The following FMN2 variants were observed in gnomAD, a reference collection of about 807,000 sequenced individuals.
FMN2 encodes formin-2.
A neutral mutation model predicts 142.3 loss-of-function variants in FMN2; 51 were observed. The observed-to-expected ratio is 0.36, with a 90% CI of 0.29 to 0.45. The LOEUF (loss-of-function observed/expected upper bound fraction) is 0.45, where lower values mean the gene tolerates loss of function less well. Among genes scored for constraint, FMN2 ranks in the 20% least tolerant of loss-of-function variants. The probability of loss-of-function intolerance (pLI) is 1.00; values close to 1 mark genes in which losing one functional copy is unlikely to be tolerated. For synonymous variants in FMN2, 882 were observed against 869.8 expected (o/e 1.01, Z -0.25); for missense variants, 1,936 against 2,122.8 (o/e 0.91, Z 1.73).
intron 6 of FMN2, among the ~76,000 whole-genome samples, chr1:240,215,570 T>C (rs1666864023): frequency 6.6e-6 from 1 of 152,244 alleles, no homozygotes; most frequent in Non-Finnish European, 1.5e-5. Flanking sequence ...TATATACTTT[T>C]AAAAATGAAT....
chr1:240,468,740 G>A (rs762012643), intron 16 of FMN2, among the ~76,000 whole-genome samples: 1 of 152,176 alleles, frequency 6.6e-6, no homozygotes, highest in Non-Finnish European at 1.5e-5. Flanking sequence ...GAAAGTGGAT[G>A]GAACACGTAC....
At chr1:240,197,223 A>G (rs1665948746) in intron 4 of FMN2, among the ~76,000 whole-genome samples, 1 of 152,110 alleles carries the variant, frequency 6.6e-6, no homozygotes, top group Non-Finnish European at 1.5e-5. Flanking sequence ...CCCAAAATTG[A>G]TGGGATTTGG....
chr1:240,429,910 G>T (rs946662418), intron 15 of FMN2, among the ~76,000 whole-genome samples: 5 of 147,138 alleles, frequency 3.4e-5, no homozygotes, highest in African/African-American at 1.3e-4. Flanking sequence ...TTTTGAGGCA[G>T]AGTCTCGCTC....
At position 240,281,719 on chromosome 1, in the gene FMN2, G is replaced by A. The variant is rs76118883; in HGVS notation, c.4154-13103G>A. Among the ~76,000 whole-genome samples the A allele has an allele frequency of 1.1e-3, 169 of 149,660 alleles. 1 individual carries two copies. Among genetic ancestry groups the A allele is most frequent in the Non-Finnish European group, 1.3e-3 (90 of 67,728 alleles). ...ATTTAATTAGCAAAATTTAAAATAC[G>A]CAATAAAGGAAGGACAAATGACACA... On this transcript the variant is annotated intron_variant, in intron 7 of 17. Transcript: ENST00000319653.
At chr1:240,133,813 CATATT>C (rs1337488436) in intron 2 of FMN2, among the ~76,000 whole-genome samples, 9 of 152,204 alleles carry the variant, frequency 5.9e-5, no homozygotes, top group South Asian at 2.1e-4. Context: ...ATATATTACA[CATATT>C]ATAATTGCCT....
intron 2 of FMN2, among the ~76,000 whole-genome samples, chr1:240,157,010 T>C (rs1251101493): frequency 6.6e-6 from 1 of 152,214 alleles, no homozygotes; most frequent in Non-Finnish European, 1.5e-5. Context: ...TACTCTTAAT[T>C]GTACTTGCTG....
intron 4 of FMN2, among the ~76,000 whole-genome samples, chr1:240,205,653 G>A (rs1434079226): frequency 6.6e-6 from 1 of 151,294 alleles, no homozygotes; most frequent in Non-Finnish European, 1.5e-5. Flanking sequence ...AGTAGAGACG[G>A]GGTTTCACTG....
At chr1:240,127,121 C>CTT (rs769189578) in intron 2 of FMN2, among the ~76,000 whole-genome samples, 7 of 138,178 alleles carry the variant, frequency 5.1e-5, no homozygotes, top group South Asian at 2.3e-4. Flanking sequence ...AGGAATATGG[C>CTT]TTTTTTTTTT....
chr1:240,192,732 A>G (rs902174040), intron 4 of FMN2, among the ~76,000 whole-genome samples: 1 of 152,146 alleles, frequency 6.6e-6, no homozygotes, highest in African/African-American at 2.4e-5. Flanking sequence ...CAAGCGAGAG[A>G]TGGTTAGGAA....
chr1:240,321,174 A>G (rs778176413), intron 8 of FMN2, among the ~76,000 whole-genome samples: 41 of 151,764 alleles, frequency 2.7e-4, no homozygotes, highest in Non-Finnish European at 5.6e-4. Context: ...TTCATTGAAC[A>G]CCATTTCTAC....
chr1:240,240,294 T>C (rs564080265), intron 6 of FMN2, among the ~76,000 whole-genome samples: 1 of 152,312 alleles, frequency 6.6e-6, no homozygotes, highest in East Asian at 1.9e-4. Context: ...ACTTCTGCTG[T>C]AAAATGTGGA....
intron 16 of FMN2, among the ~76,000 whole-genome samples, chr1:240,465,949 T>C (rs1192973313): frequency 6.6e-6 from 1 of 152,194 alleles, no homozygotes; most frequent in Non-Finnish European, 1.5e-5. Flanking sequence ...AACTTTTGTA[T>C]ATGTTTGCCT....
At chr1:240,142,098 CAG>C (rs1195402077) in intron 2 of FMN2, among the ~76,000 whole-genome samples, 1 of 152,148 alleles carries the variant, frequency 6.6e-6, no homozygotes, top group East Asian at 1.9e-4. Flanking sequence ...AGAAATATAT[CAG>C]AGTCTCCCTG....
chr1:240,437,110 G>A (rs928138998), intron 15 of FMN2, among the ~76,000 whole-genome samples: 1 of 152,020 alleles, frequency 6.6e-6, no homozygotes, highest in Non-Finnish European at 1.5e-5. Flanking sequence ...TATGTTCTTT[G>A]TCAAATAACC....
At chr1:240,334,088 A>G (rs1671476751) in intron 12 of FMN2, 21 bp from the exon 13 acceptor site, 5 of 1,580,632 alleles carry the variant, frequency 3.2e-6, no homozygotes, top group Admixed American at 2.0e-5. Context: ...TTTAAATATG[A>G]TGGGGTTTTT....
chr1:240,321,221 T>A (rs757522841), intron 8 of FMN2, among the ~76,000 whole-genome samples: 1 of 152,142 alleles, frequency 6.6e-6, no homozygotes, highest in Non-Finnish European at 1.5e-5. Flanking sequence ...TATTCATACC[T>A]TGATATTTGC....
chr1:240,317,775 A>G (rs981423175), intron 8 of FMN2, among the ~76,000 whole-genome samples: 2 of 152,150 alleles, frequency 1.3e-5, no homozygotes, highest in African/African-American at 4.8e-5. Flanking sequence ...CCAGGACTGC[A>G]ATTGTTGTGT....
At chr1:240,119,334 A>G (rs1378881217) in intron 1 of FMN2, among the ~76,000 whole-genome samples, 1 of 151,732 alleles carries the variant, frequency 6.6e-6, no homozygotes, top group East Asian at 1.9e-4. Context: ...ATCTCAAAAA[A>G]AAAAAAAAAA....
At chr1:240,160,409 A>C (rs1289021797) in intron 2 of FMN2, among the ~76,000 whole-genome samples, 1 of 151,172 alleles carries the variant, frequency 6.6e-6, no homozygotes, top group African/African-American at 2.4e-5. Context: ...CAGGAAAGTA[A>C]GGTCAGCTTC....
Sources: allele counts gnomAD v4.1 joint callset (sites outside exome capture counted in the v4.1 genomes callset), GRCh38; gene constraint gnomAD v4.1.1; transcripts MANE v1.5; gene names NCBI Gene and HGNC (gene_info 2026-07-23, HGNC 2026-07-21).